ZCWPW2: variants seen among roughly 807,000 people sequenced by gnomAD.
ZCWPW2 encodes the protein zinc finger CW-type PWWP domain protein 2.
ZCWPW2 carries 45 observed loss-of-function variants against 46.6 expected under a neutral mutation model. That is an observed-to-expected ratio of 0.96 (90% CI 0.76 to 1.24). ZCWPW2 has a LOEUF of 1.24. ZCWPW2 is among the 50% of genes most tolerant of loss of function. The probability of loss-of-function intolerance (pLI) is 0.00; values close to 1 mark genes in which losing one functional copy is unlikely to be tolerated. For synonymous variants in ZCWPW2, 152 were observed against 137.1 expected (o/e 1.11, Z -0.76); for missense variants, 429 against 403.9 (o/e 1.06, Z -0.53).
At chr3:28,420,699 G>C (rs1412434768) in intron 3 of ZCWPW2, among the ~76,000 whole-genome samples, 1 of 150,702 alleles carries the variant, frequency 6.6e-6, no homozygotes. Context: ...TTCACTTTTT[G>C]GTAGGGGTAT....
chr3:28,417,100 C>T (rs867211664), intron 3 of ZCWPW2, among the ~76,000 whole-genome samples: 34 of 149,414 alleles, frequency 2.3e-4, no homozygotes, highest in Middle Eastern at 3.5e-3. Context: ...ATTGATAGAC[C>T]GCTAGGAAGA....
intron 7 of ZCWPW2, among the ~76,000 whole-genome samples, chr3:28,514,896 C>T (rs1700522424): frequency 6.6e-6 from 1 of 152,072 alleles, no homozygotes; most frequent in Non-Finnish European, 1.5e-5. Context: ...AGGACTGACA[C>T]CAATAGGTAG....
Position 28,524,957 on chromosome 3 carries a change from G to GAT in ZCWPW2, c.*270_*271insTA, listed in dbSNP as rs1700813767. On this transcript the variant is annotated 3_prime_UTR_variant, in exon 10 of 10. Transcript: ENST00000383768. Reference sequence around the variant, plus strand: ...TTGCCTTAATTTTTAAATGGTTTGTGAAATTTGCCTAACAAACATATGTTT... The same window carrying GAT: ...TTGCCTTAATTTTTAAATGGTTTGTGATAAATTTGCCTAACAAACATATGTTT... 1 of 189,646 alleles carries GAT rather than the reference G, an allele frequency of 5.3e-6. No homozygotes were observed. Among genetic ancestry groups the GAT allele is most frequent in the Non-Finnish European group, 1.1e-5 (1 of 94,644 alleles). The allele number at this position is 189,646 out of a possible 1,614,324, so 11.7% of individuals were successfully genotyped here.
Position 28,349,019 on chromosome 3 carries a change from G to A in ZCWPW2, c.-318G>A. On this transcript the variant is annotated 5_prime_UTR_variant, in exon 1 of 10. Transcript: ENST00000383768. ...GCCGCTGTCCGCGGGCTCGGCGCCAGGGACGCGCGAGGAAACCGGAAGTCA... is the reference window on the plus strand; with the variant it reads ...GCCGCTGTCCGCGGGCTCGGCGCCAAGGACGCGCGAGGAAACCGGAAGTCA... 3 of 986,074 alleles carry A rather than the reference G, an allele frequency of 3.0e-6. No homozygotes were observed. The highest frequency in any genetic ancestry group is 2.4e-6 in the Non-Finnish European group (2 of 830,476). 61.1% of individuals were successfully genotyped at this position (986,074 alleles called of 1,614,324 possible).
intron 4 of ZCWPW2, among the ~76,000 whole-genome samples, chr3:28,454,736 T>A (rs1698360591): frequency 6.6e-6 from 1 of 152,222 alleles, no homozygotes; most frequent in Non-Finnish European, 1.5e-5. Flanking sequence ...ACATGCAATA[T>A]TTGGTTTTCT....
At chr3:28,463,861 G>T (rs954477583) in intron 4 of ZCWPW2, among the ~76,000 whole-genome samples, 3 of 149,358 alleles carry the variant, frequency 2.0e-5, no homozygotes, top group Non-Finnish European at 4.4e-5. Context: ...AGGGAGGGAA[G>T]GACAGAGGAA....
At chr3:28,440,816 G>A (rs1311726040) in intron 4 of ZCWPW2, among the ~76,000 whole-genome samples, 1 of 152,186 alleles carries the variant, frequency 6.6e-6, no homozygotes, top group Non-Finnish European at 1.5e-5. Flanking sequence ...GTGCAGGTTA[G>A]GCAAACCCAT....
At chr3:28,362,655 A>G (rs984918390) in intron 1 of ZCWPW2, among the ~76,000 whole-genome samples, 15 of 152,184 alleles carry the variant, frequency 9.9e-5, no homozygotes, top group African/African-American at 3.4e-4. Context: ...CATTGTGGAA[A>G]GTAGTGTGGC....
chr3:28,489,627 ATC>A lies in ZCWPW2; in HGVS notation c.611-2492_611-2491del, dbSNP rs767680601. On this transcript the variant is annotated intron_variant, in intron 5 of 9. Transcript: ENST00000383768. ...TTTTCCTAGTATTCCAAAGATCAAG[ATC>A]TCTCTCTTTCTTTCTCTCTCTTTCA... 2.1e-4 allele frequency among the ~76,000 whole-genome samples: 31 copies of A among 150,462 alleles called. 1 individual carries two copies. The East Asian group carries it at 5.7e-3, about 28-fold the overall frequency.
chr3:28,371,427 T>G (rs539831404), intron 1 of ZCWPW2, among the ~76,000 whole-genome samples: 6 of 152,196 alleles, frequency 3.9e-5, no homozygotes, highest in African/African-American at 1.4e-4. Flanking sequence ...TGTAGGGGGA[T>G]TTTGTTAAAT....
At chr3:28,395,431 CAG>C (rs915531120) in intron 2 of ZCWPW2, among the ~76,000 whole-genome samples, 90 of 152,246 alleles carry the variant, frequency 5.9e-4, no homozygotes, top group African/African-American at 2.1e-3. Flanking sequence ...GAACTGAAAA[CAG>C]GACCTGGAAG....
At chr3:28,432,408 A>G (rs1428825910) in intron 3 of ZCWPW2, among the ~76,000 whole-genome samples, 2 of 152,212 alleles carry the variant, frequency 1.3e-5, no homozygotes, top group African/African-American at 4.8e-5. Flanking sequence ...GTAACACTTG[A>G]CAGCTGTACA....
chr3:28,465,962 G>C lies in ZCWPW2; in HGVS notation c.493-12852G>C, dbSNP rs116964038. Among the ~76,000 whole-genome samples, 200 of 152,244 alleles carry C rather than the reference G, an allele frequency of 1.3e-3. 3 individuals carry two copies. In the East Asian group the frequency reaches 0.037, roughly 28 times the overall value. On this transcript the variant is annotated intron_variant, in intron 4 of 9. Coordinates refer to ENST00000383768, the MANE Select transcript of ZCWPW2 (RefSeq NM_001040432.4). ...CATTGGTAGGCTGGATAAAGAAAAT[G>C]TAGTACATAGACACTATGGAATACT...
intron 1 of ZCWPW2, among the ~76,000 whole-genome samples, chr3:28,366,825 G>A (rs1221546218): frequency 5.9e-5 from 9 of 152,196 alleles, no homozygotes; most frequent in Non-Finnish European, 1.0e-4. Context: ...TTCAGAGCCT[G>A]TTATTGGTCT....
At chr3:28,435,305 C>A (rs776223970) in intron 4 of ZCWPW2, 36 bp downstream of exon 4, 2 of 1,548,362 alleles carry the variant, frequency 1.3e-6, no homozygotes, top group South Asian at 1.2e-5. Context: ...ATTCTTCTTG[C>A]ACTTATTTTT....
intron 5 of ZCWPW2, among the ~76,000 whole-genome samples, chr3:28,480,403 T>C (rs978749397): frequency 9.9e-5 from 15 of 152,060 alleles, no homozygotes; most frequent in African/African-American, 3.6e-4. Flanking sequence ...TGCCCACTTT[T>C]TAATGGTTTT....
At chr3:28,497,832 A>G (rs1234953016) in intron 6 of ZCWPW2, among the ~76,000 whole-genome samples, 2 of 152,054 alleles carry the variant, frequency 1.3e-5, no homozygotes, top group African/African-American at 4.8e-5. Flanking sequence ...CTCTTCAGCC[A>G]TGTGTGATAG....
At chr3:28,441,647 A>T (rs900878927) in intron 4 of ZCWPW2, among the ~76,000 whole-genome samples, 35 of 152,098 alleles carry the variant, frequency 2.3e-4, no homozygotes, top group African/African-American at 7.7e-4. Flanking sequence ...GACCGTGGGC[A>T]TTTGAGCCAC....
intron 4 of ZCWPW2, among the ~76,000 whole-genome samples, chr3:28,452,682 G>A (rs1189147248): frequency 6.6e-6 from 1 of 152,170 alleles, no homozygotes; most frequent in Non-Finnish European, 1.5e-5. Flanking sequence ...AAAGCATTTA[G>A]CATGTGCTTG....
Sources: allele counts gnomAD v4.1 joint callset (sites outside exome capture counted in the v4.1 genomes callset), GRCh38; gene constraint gnomAD v4.1.1; transcripts MANE v1.5; gene names NCBI Gene and HGNC (gene_info 2026-07-23, HGNC 2026-07-21).